The following ENTPD6 variants were observed in gnomAD, a reference collection of about 807,000 sequenced individuals.
The protein encoded by ENTPD6 is ectonucleoside triphosphate diphosphohydrolase 6.
ENTPD6 carries 46 observed loss-of-function variants against 61.5 expected under a neutral mutation model. The ratio of observed to expected loss-of-function variants is 0.75; its 90% CI spans 0.59 to 0.96. ENTPD6 has a LOEUF of 0.96. Among genes scored for constraint, ENTPD6 ranks in the 40% least tolerant of loss-of-function variants. ENTPD6 has a pLI of 0.00. For missense variants in ENTPD6, 612 were observed against 629.0 expected (o/e 0.97, Z 0.29); for synonymous variants, 252 against 255.5 (o/e 0.99, Z 0.13).
At chr20:25,205,806 T>C (rs1029384132) in intron 1 of ENTPD6, among the ~76,000 whole-genome samples, 2 of 152,186 alleles carry the variant, frequency 1.3e-5, no homozygotes, top group African/African-American at 4.8e-5. Context: ...GGCCTGAGGA[T>C]ATCCAGCTGT....
At chr20:25,220,568 C>T (rs932714437) in intron 10 of ENTPD6, among the ~76,000 whole-genome samples, 2 of 152,226 alleles carry the variant, frequency 1.3e-5, no homozygotes, top group Admixed American at 6.5e-5. Flanking sequence ...TAGACCTGGG[C>T]GCTCTTCCAC....
chr20:25,216,762 C>T, intron 8 of ENTPD6, 26 bp downstream of exon 8: 1 of 1,550,260 alleles, frequency 6.5e-7, no homozygotes, highest in Non-Finnish European at 8.7e-7. Flanking sequence ...GACCACAGCG[C>T]TCTTTCCACC....
intron 1 of ENTPD6, among the ~76,000 whole-genome samples, chr20:25,205,045 C>T (rs2091348198): frequency 6.6e-6 from 1 of 152,140 alleles, no homozygotes; most frequent in Non-Finnish European, 1.5e-5. Context: ...CTACAGGACT[C>T]TGTTGTGTGT....
chr20:25,201,841 C>T (rs1164697651), intron 1 of ENTPD6, among the ~76,000 whole-genome samples: 1 of 152,128 alleles, frequency 6.6e-6, no homozygotes, highest in East Asian at 1.9e-4. Flanking sequence ...TCAGCCTCCC[C>T]AAGGAGCTTG....
At chr20:25,224,244 G>T in intron 13 of ENTPD6, 87 bp downstream of exon 13, 1 of 1,241,134 alleles carries the variant, frequency 8.1e-7, no homozygotes. Flanking sequence ...TCTCCTGGGT[G>T]TAGCCCCTCC....
intron 13 of ENTPD6, chr20:25,224,868 T>C: frequency 3.1e-6 from 1 of 325,818 alleles, no homozygotes; most frequent in Non-Finnish European, 5.6e-6. Context: ...CTTTGGTGTT[T>C]TCTTTCCCCA....
At position 25,195,757 on chromosome 20, in the gene ENTPD6, G is replaced by T. The variant is rs536385709; in HGVS notation, c.-126G>T. 6.6e-6 allele frequency: 6 copies of T among 914,370 alleles called. No homozygotes were observed. The South Asian group carries it at 2.2e-4, about 33-fold the overall frequency. The allele number at this position is 914,370 out of a possible 1,614,324, so 56.6% of individuals were successfully genotyped here. On this transcript the variant is annotated 5_prime_UTR_variant, in exon 1 of 15. Transcript: ENST00000376652. ...AATCGTGGGGTCGTATCCCGCGGGT[G>T]GAGGCCGGGGTGGCGCCGGCCGGGG...
intron 6 of ENTPD6, 93 bp downstream of exon 6, chr20:25,215,035 C>T (rs553360151): frequency 1.6e-5 from 13 of 833,536 alleles, no homozygotes; most frequent in African/African-American, 8.4e-5. Flanking sequence ...CACCCCTCCC[C>T]GCCCCATGTG....
At chr20:25,220,478 G>A (rs2092588679) in intron 10 of ENTPD6, among the ~76,000 whole-genome samples, 1 of 152,068 alleles carries the variant, frequency 6.6e-6, no homozygotes, top group Non-Finnish European at 1.5e-5. Context: ...CTGTGCACAT[G>A]CCTGTGGCTG....
At chr20:25,224,844 T>G in intron 13 of ENTPD6, 3 of 253,358 alleles carry the variant, frequency 1.2e-5, no homozygotes, top group Non-Finnish European at 2.2e-5. Context: ...CAGGAGTGGA[T>G]TGTTCTGAGC....
rs200552433 is a variant in ENTPD6, at chr20:25,224,145, G to A, written c.1231G>A (p.Ala411Thr). ...GSLVVGDFEI[A>T]AKYVCRTLET... ...CCTGGTGGTGGGGGACTTCGAGATC[G>A]CAGCCAAGTACGGTGAGTGATGCTG... The change falls in exon 13 of 15, where the codon GCA (alanine) becomes ACA (threonine). Residue 411 changes from alanine to threonine, a missense_variant. Physicochemically the swap from Ala to Thr is moderately conservative, Grantham distance 58. Coordinates refer to ENST00000376652, the MANE Select transcript of ENTPD6 (RefSeq NM_001247.5). 7.0e-5 allele frequency: 113 copies of A among 1,611,870 alleles called. No individual in the cohort carries two copies. Among genetic ancestry groups the A allele is most frequent in the Non-Finnish European group, 9.1e-5 (107 of 1,179,000 alleles).
chr20:25,218,756 T>C, intron 10 of ENTPD6, 142 bp downstream of exon 10: 1 of 870,270 alleles, frequency 1.1e-6, no homozygotes, highest in East Asian at 2.7e-5. Context: ...GCTGTCCCGC[T>C]GCATGCTGGG....
intron 1 of ENTPD6, 93 bp from the exon 2 acceptor site, chr20:25,206,429 C>G: frequency 2.0e-6 from 2 of 1,010,550 alleles, no homozygotes; most frequent in South Asian, 2.7e-5. Flanking sequence ...TATATCGAAC[C>G]AAAAACAATG....
chr20:25,210,218 T>G (rs542068245), intron 4 of ENTPD6, among the ~76,000 whole-genome samples: 1 of 152,366 alleles, frequency 6.6e-6, no homozygotes, highest in East Asian at 1.9e-4. Context: ...TCCTGCAAAC[T>G]TACAAAAATC....
chr20:25,203,035 T>C (rs1467461085), intron 1 of ENTPD6, among the ~76,000 whole-genome samples: 3 of 152,244 alleles, frequency 2.0e-5, no homozygotes, highest in Admixed American at 1.3e-4. Flanking sequence ...AGGACAGTTT[T>C]GCTGAATGTA....
At position 25,227,705 on chromosome 20, in the gene ENTPD6, G is replaced by A. The variant is rs1299449403; in HGVS notation, c.*2108G>A. On this transcript the variant is annotated 3_prime_UTR_variant, in exon 15 of 15. Transcript: ENST00000376652. ...CAGCCCGCGTACCCCACATCACTTAGCACCCATTGCTGCCCACTGAGCTGC... is the reference window on the plus strand; with the variant it reads ...CAGCCCGCGTACCCCACATCACTTAACACCCATTGCTGCCCACTGAGCTGC... Among the ~76,000 whole-genome samples, 1 of 152,198 alleles carries A rather than the reference G, an allele frequency of 6.6e-6. No individual in the cohort carries two copies. The highest frequency in any genetic ancestry group is 6.5e-5 in the Admixed American group (1 of 15,274).
At chr20:25,199,209 G>C (rs1207571504) in intron 1 of ENTPD6, among the ~76,000 whole-genome samples, 1 of 152,218 alleles carries the variant, frequency 6.6e-6, no homozygotes, top group Non-Finnish European at 1.5e-5. Context: ...AACTGCACAT[G>C]TCATGTGCTG....
rs748500454 is a variant in ENTPD6 at position 25,207,245 on chromosome 20, C to A, written c.224C>A (p.Thr75Asn). The change falls in exon 3 of 15, where the codon ACC becomes AAC. Residue 75 changes from threonine to asparagine, a missense_variant. Thr to Asn is a moderately conservative substitution (Grantham distance 65). Coordinates refer to ENST00000376652, the MANE Select transcript of ENTPD6 (RefSeq NM_001247.5). ...ATATQAFFSI[T>N]RAAPGARWGQ... ...GCCACCCAGGCCTTCTTCAGCATCA[C>A]CAGGGCAGCCCCGGGGGCCCGGTGG... 1.9e-6 allele frequency: 3 copies of A among 1,614,088 alleles called. No homozygotes were observed. The highest frequency in any genetic ancestry group is 2.5e-6 in the Non-Finnish European group (3 of 1,179,998).
In ENTPD6 at chr20:25,214,960, C is replaced by A; in HGVS notation, c.673+18C>A. 2 of 1,568,980 alleles carry A rather than the reference C, an allele frequency of 1.3e-6. No homozygotes were observed. Among genetic ancestry groups the A allele is most frequent in the Non-Finnish European group, 1.8e-6 (2 of 1,139,022 alleles). ...AGATGAAGGTAAATGGCTGGAAGCA[C>A]CTCTGTACAGTGGGGCTGTGCAGTG... On this transcript the variant is annotated intron_variant, in intron 6 of 14. Transcript: ENST00000376652.
Sources: gnomAD v4.1 joint callset for allele counts (sites outside exome capture counted in the v4.1 genomes callset) on GRCh38, gnomAD v4.1.1 for gene constraint, MANE v1.5 for transcripts, NCBI Gene and HGNC (gene_info 2026-07-23, HGNC 2026-07-21) for gene names.